ZFYVE26: variants seen among roughly 807,000 people sequenced by gnomAD.
The protein encoded by ZFYVE26 is zinc finger FYVE domain-containing protein 26.
Under a neutral mutation model 276.5 loss-of-function variants are expected in ZFYVE26, and 181 were observed. The ratio of observed to expected loss-of-function variants is 0.65; its 90% CI spans 0.58 to 0.74. ZFYVE26 has a LOEUF of 0.74. ZFYVE26 is among the 30% of genes least tolerant of loss of function. The pLI is 0.00. For synonymous variants in ZFYVE26, 1,129 were observed against 1,203.1 expected (o/e 0.94, Z 1.27); for missense variants, 2,821 against 3,097.9 (o/e 0.91, Z 2.12).
intron 29 of ZFYVE26, 132 bp downstream of exon 29, chr14:67,769,462 A>G: frequency 7.3e-7 from 1 of 1,360,954 alleles, no homozygotes; most frequent in Non-Finnish European, 1.0e-6. Flanking sequence ...TGTAGAGTTA[A>G]TGGCATTTCA....
At chr14:67,779,374 C>T (rs2039435554) in intron 23 of ZFYVE26, among the ~76,000 whole-genome samples, 1 of 152,044 alleles carries the variant, frequency 6.6e-6, no homozygotes, top group Admixed American at 6.6e-5. Context: ...ACCAGCCTGG[C>T]CAACATGGCA....
intron 32 of ZFYVE26, 53 bp from the exon 33 acceptor site, chr14:67,762,872 G>C: frequency 6.2e-7 from 1 of 1,607,948 alleles, no homozygotes; most frequent in Non-Finnish European, 8.5e-7. Context: ...CTTACTAAGA[G>C]TAGCCGCTTA....
chr14:67,771,908 A>G (rs1319771001), intron 28 of ZFYVE26, 139 bp downstream of exon 28: 3 of 1,170,922 alleles, frequency 2.6e-6, no homozygotes, highest in African/African-American at 3.1e-5. Flanking sequence ...TCAAAAATGA[A>G]CCCAAAGTCT....
chr14:67,741,183 A>T (rs2038412292), intron 13 of ZFYVE26, among the ~76,000 whole-genome samples: 1 of 152,214 alleles, frequency 6.6e-6, no homozygotes, highest in Non-Finnish European at 1.5e-5. Flanking sequence ...ACACCTTCAA[A>T]GCCTTTGAAT....
chr14:67,762,561 C>G, intron 33 of ZFYVE26, 111 bp downstream of exon 33: 1 of 1,580,458 alleles, frequency 6.3e-7, no homozygotes, highest in East Asian at 2.2e-5. Context: ...GTCCCCGATT[C>G]TACCCCATGG....
intron 30 of ZFYVE26, 39 bp downstream of exon 30, chr14:67,768,478 C>T (rs369993834): frequency 2.5e-6 from 4 of 1,609,424 alleles, no homozygotes; most frequent in Non-Finnish European, 3.4e-6. Context: ...AACTTAAGTA[C>T]ACAAATGAAG....
At chr14:67,753,582 T>C in intron 39 of ZFYVE26, 125 bp downstream of exon 39, 3 of 1,061,272 alleles carry the variant, frequency 2.8e-6, no homozygotes, top group Non-Finnish European at 4.2e-6. Context: ...CATCCTTGAT[T>C]TCATCCCTAA....
intron 10 of ZFYVE26, chr14:67,799,558 G>A: frequency 6.5e-7 from 1 of 1,532,954 alleles, no homozygotes; most frequent in Non-Finnish European, 9.0e-7. Flanking sequence ...AGTACTGCAA[G>A]TCTTCCAAAG....
chr14:67,805,675 T>A, intron 6 of ZFYVE26, 57 bp from the exon 7 acceptor site: 1 of 1,569,214 alleles, frequency 6.4e-7, no homozygotes. Flanking sequence ...GAATGGGTTC[T>A]AGCTTACTGC....
chr14:67,762,648 G>GCTTTGT (rs753320665), intron 33 of ZFYVE26, 24 bp downstream of exon 33: 76 of 1,611,974 alleles, frequency 4.7e-5, no homozygotes, highest in African/African-American at 3.3e-4. Context: ...GTGGAAGTAA[G>GCTTTGT]CTTTGTCTTT....
rs149519213 is a variant in ZFYVE26 at position 67,793,735 on chromosome 14, C to T, written c.2426G>A (p.Gly809Asp). ...CAATCTACTGTGCAGCTCATTCCGG[C>T]CAGACATGGCACTCAGACTTCCCTC... Reference protein sequence around the residue: ...TSEGSLSAMSGRNELHSRLHP... With the variant: ...TSEGSLSAMSDRNELHSRLHP... The change falls in exon 14 of 42, where the codon GGC (glycine) becomes GAC (aspartate). Residue 809 changes from glycine (G) to aspartate (D), a missense_variant. Physicochemically the swap from Gly to Asp is moderately conservative, Grantham distance 94. Coordinates refer to ENST00000347230, the MANE Select transcript of ZFYVE26 (RefSeq NM_015346.4). The T allele has an allele frequency of 5.0e-6, 8 of 1,613,812 alleles. No individual in the cohort carries two copies. In the African/African-American group the frequency reaches 1.1e-4, roughly 22 times the overall value.
chr14:67,789,485 T>C lies in ZFYVE26; in HGVS notation c.2869A>G (p.Thr957Ala). The C allele has an allele frequency of 6.2e-7, 1 of 1,614,166 alleles. No individual in the cohort carries two copies. Among genetic ancestry groups the C allele is most frequent in the South Asian group, 1.1e-5 (1 of 91,084 alleles). The change falls in exon 16 of 42, where the codon ACT (threonine) becomes GCT (alanine). Residue 957 changes from threonine to alanine, a missense_variant. Thr to Ala is a moderately conservative substitution (Grantham distance 58). Coordinates refer to ENST00000347230, the MANE Select transcript of ZFYVE26 (RefSeq NM_015346.4). ...FWISTALVEP[T>A]APLREVLEDL... ...TCCAGAACCTCTCTCAGGGGAGCAG[T>C]GGGCTCCACTAGAGCCGTGCTTATC...
chr14:67,778,023 A>G, intron 24 of ZFYVE26, 103 bp downstream of exon 24: 1 of 1,519,948 alleles, frequency 6.6e-7, no homozygotes, highest in South Asian at 1.1e-5. Context: ...CAGAAGAGGC[A>G]TAGCTGAGAT....
Position 67,729,194 on chromosome 14 carries a change from C to T in ZFYVE26, n.3288+17G>A, listed in dbSNP as rs769317754. 218 of 1,612,798 alleles carry T rather than the reference C, an allele frequency of 1.4e-4. No homozygotes were observed. The highest frequency in any genetic ancestry group is 1.7e-4 in the Middle Eastern group (1 of 5,794). ...AATTGTGCCCTCTTTGTCCCAGGCA[C>T]CGGGGTCACCACCTACGCAGTGCAC... On this transcript the variant is annotated intron_variant and non_coding_transcript_variant, in intron 14 of 14. Transcript: ENST00000394455.
chr14:67,737,385 G>A (rs1205226954), intron 13 of ZFYVE26, among the ~76,000 whole-genome samples: 1 of 152,156 alleles, frequency 6.6e-6, no homozygotes, highest in East Asian at 1.9e-4. Flanking sequence ...ATGGTGGAAG[G>A]TGAAAGGGAA....
rs72723170 is a variant in ZFYVE26, at chr14:67,736,620, G to T, written n.2680-6801C>A. ...AAGACATGAAAAGCAAAAAGCATAT[G>T]GGAAAAGAGGAATACATCCAAAAAG... is the stretch of plus-strand genomic sequence containing the variant. On this transcript the variant is annotated intron_variant and non_coding_transcript_variant, in intron 13 of 14. Transcript: ENST00000394455. Among the ~76,000 whole-genome samples, 1,086 of 152,270 alleles carry T rather than the reference G, an allele frequency of 7.1e-3. 1 individual carries two copies. Among genetic ancestry groups the T allele is most frequent in the Non-Finnish European group, 0.011 (751 of 68,016 alleles).
At chr14:67,783,645 CT>C (rs944465177) in intron 20 of ZFYVE26, 120 bp from the exon 21 acceptor site, 11 of 1,344,890 alleles carry the variant, frequency 8.2e-6, no homozygotes, top group East Asian at 2.5e-5. Context: ...TTGTCACACT[CT>C]TTTTTTAAAA....
At chr14:67,799,678 T>A in intron 10 of ZFYVE26, 1 of 1,153,102 alleles carries the variant, frequency 8.7e-7, no homozygotes, top group Non-Finnish European at 1.3e-6. Context: ...CTGGCAAGAT[T>A]TGAAGGCAAA....
At chr14:67,748,690 C>T in intron 41 of ZFYVE26, 51 bp from the exon 42 acceptor site, 1 of 1,598,122 alleles carries the variant, frequency 6.3e-7, no homozygotes, top group Non-Finnish European at 8.5e-7. Flanking sequence ...ACCGACAAAT[C>T]AAGTATACAG....
Sources: allele counts gnomAD v4.1 joint callset (sites outside exome capture counted in the v4.1 genomes callset), GRCh38; gene constraint gnomAD v4.1.1; transcripts MANE v1.5; gene names NCBI Gene and HGNC (gene_info 2026-07-23, HGNC 2026-07-21).